RBKS: variants seen among roughly 807,000 people sequenced by gnomAD.
RBKS encodes the protein ribokinase.
RBKS carries 33 observed loss-of-function variants against 33.9 expected under a neutral mutation model. That is an observed-to-expected ratio of 0.97 (90% confidence interval 0.74 to 1.30). RBKS has a LOEUF of 1.30. Ranked by LOEUF, RBKS falls within the 50% of genes most tolerant of loss-of-function variation. The pLI, the probability that RBKS is intolerant of heterozygous loss-of-function variation, is 0.00. For synonymous variants in RBKS, 125 were observed against 143.0 expected, an observed-to-expected ratio of 0.87 and a Z score of 0.90; for missense variants, 361 against 392.6, an observed-to-expected ratio of 0.92 and a Z score of 0.68.
At chr2:27,869,543 G>A (rs1348832688) in intron 1 of RBKS, among the ~76,000 whole-genome samples, 1 of 152,172 alleles carries the variant, frequency 6.6e-6, no homozygotes, top group Non-Finnish European at 1.5e-5. Context: ...TTTGGCACCA[G>A]GGACTGGTTT....
chr2:27,870,607 A>T, intron 1 of RBKS: 1 of 363,560 alleles, frequency 2.8e-6, no homozygotes, highest in South Asian at 2.0e-5. Context: ...TTTTAATCAC[A>T]TCCTGCAAAA....
intron 2 of RBKS, among the ~76,000 whole-genome samples, chr2:27,852,759 G>A (rs941033809): frequency 2.0e-5 from 3 of 152,146 alleles, no homozygotes; most frequent in African/African-American, 7.2e-5. Context: ...ACAGGTTACC[G>A]ATTTCAAAGC....
intron 7 of RBKS, among the ~76,000 whole-genome samples, chr2:27,788,240 A>G (rs1677439555): frequency 6.6e-6 from 1 of 152,192 alleles, no homozygotes; most frequent in South Asian, 2.1e-4. Flanking sequence ...CCAGTGCAAA[A>G]GGACAGGGGA....
rs143635987 is a variant in RBKS, at chr2:27,843,077, G to A, written c.504C>T (p.Arg168=). ...AATATGTATAATTACCTCCACTCCT[G>A]CGGGCCATTGTTAGGGCTTCCAAAG... ...ATSLEALTMA[R]RSGVKTLFNP... is the part of the protein sequence containing the mutation. Residue 168 remains arginine (R), a synonymous_variant, in exon 5 of 8, where the codon CGC becomes CGT. Coordinates refer to ENST00000302188, the MANE Select transcript of RBKS (RefSeq NM_022128.3). The A allele has an allele frequency of 6.3e-7, 1 of 1,593,648 alleles. No homozygotes were observed. The highest frequency in any genetic ancestry group is 8.6e-7 in the Non-Finnish European group (1 of 1,169,530).
At chr2:27,789,270 G>C (rs910521998) in intron 7 of RBKS, among the ~76,000 whole-genome samples, 6 of 151,502 alleles carry the variant, frequency 4.0e-5, no homozygotes, top group South Asian at 2.1e-4. Flanking sequence ...TTTTTTTTTG[G>C]ATTTTTGGAA....
At chr2:27,842,270 G>A (rs547810270) in intron 5 of RBKS, among the ~76,000 whole-genome samples, 1 of 152,286 alleles carries the variant, frequency 6.6e-6, no homozygotes, top group African/African-American at 2.4e-5. Context: ...GTGAGTGGGA[G>A]AAAAGATGAA....
rs1402337463 is a variant in RBKS at position 27,810,528 on chromosome 2, T to C, written c.795+17039A>G. ...ATCTTTCTGTGCTATCTGCAGAGAA[T>C]CACTGATGACAGGAACTCTTTCTAG... On this transcript the variant is annotated intron_variant, in intron 7 of 7. Coordinates refer to ENST00000302188, the MANE Select transcript of RBKS (RefSeq NM_022128.3). The surrounding 1 kb of genome is among the most constrained non-coding windows in gnomAD (Gnocchi z 4.4). Among the ~76,000 whole-genome samples, 1 of 152,214 alleles carries C rather than the reference T, an allele frequency of 6.6e-6. No individual in the cohort carries two copies. The highest frequency in any genetic ancestry group is 1.5e-5 in the Non-Finnish European group (1 of 68,038).
intron 5 of RBKS, 132 bp from the exon 6 acceptor site, chr2:27,832,909 G>A (rs774103173): frequency 1.2e-5 from 8 of 642,588 alleles, no homozygotes; most frequent in South Asian, 1.7e-5. Context: ...ACTTAGTTAC[G>A]GATGTAGAGA....
chr2:27,853,555 G>C (rs561459966), intron 2 of RBKS, among the ~76,000 whole-genome samples: 3 of 152,026 alleles, frequency 2.0e-5, no homozygotes, highest in Non-Finnish European at 4.4e-5. Context: ...TACTTGGGAG[G>C]CTGAGGCAGG....
At chr2:27,793,503 T>C (rs1008320864) in intron 7 of RBKS, among the ~76,000 whole-genome samples, 2 of 152,200 alleles carry the variant, frequency 1.3e-5, no homozygotes, top group Non-Finnish European at 2.9e-5. Context: ...AGGTCACGGA[T>C]GTAGTATTCC....
intron 7 of RBKS, among the ~76,000 whole-genome samples, chr2:27,808,258 T>C (rs1677928503): frequency 6.6e-6 from 1 of 152,236 alleles, no homozygotes; most frequent in Non-Finnish European, 1.5e-5. Context: ...TGAATTTCAA[T>C]ACATTGATTA....
rs1259668591 is a variant in RBKS, at chr2:27,786,957, C to T, written c.796-5169G>A. Among the ~76,000 whole-genome samples the T allele has an allele frequency of 2.0e-5, 3 of 152,120 alleles. No homozygotes were observed. In the East Asian group the frequency reaches 5.8e-4, roughly 29 times the overall value. On this transcript the variant is annotated intron_variant, in intron 7 of 7. Transcript: ENST00000302188. The stretch of plus-strand genomic sequence containing the variant: ...GCAACGATTCTCACAACTTGATTAC[C>T]CTTCATTCTCAGGGCTACAACATGT...
At chr2:27,815,479 G>C (rs566694951) in intron 7 of RBKS, among the ~76,000 whole-genome samples, 134 of 152,250 alleles carry the variant, frequency 8.8e-4, no homozygotes, top group Middle Eastern at 3.4e-3. Context: ...TTACAGGCTT[G>C]CACCATTGCG....
In RBKS at chr2:27,810,908, C is replaced by G. The variant is rs530103752; in HGVS notation, c.795+16659G>C. On this transcript the variant is annotated intron_variant, in intron 7 of 7. Coordinates refer to ENST00000302188, the MANE Select transcript of RBKS (RefSeq NM_022128.3). This position sits in a 1 kb window ranked among gnomAD's most constrained non-coding sequence, Gnocchi z 4.4. The stretch of plus-strand genomic sequence containing the variant: ...TCTTTTTATAAAGTATAAATCTGAT[C>G]AAATGTATCCCTTGCTTAAATGGCT... Among the ~76,000 whole-genome samples the G allele has an allele frequency of 1.3e-5, 2 of 152,190 alleles. No individual in the cohort carries two copies. The highest frequency in any genetic ancestry group is 2.9e-5 in the Non-Finnish European group (2 of 68,038).
At chr2:27,790,365 G>A (rs766165209) in intron 7 of RBKS, among the ~76,000 whole-genome samples, 7 of 152,124 alleles carry the variant, frequency 4.6e-5, no homozygotes, top group Non-Finnish European at 1.0e-4. Flanking sequence ...TCTAGAAGAA[G>A]ACAGGAGAAA....
intron 7 of RBKS, among the ~76,000 whole-genome samples, chr2:27,818,855 C>T (rs1444195377): frequency 1.3e-5 from 2 of 152,162 alleles, no homozygotes; most frequent in Non-Finnish European, 2.9e-5. Context: ...CATCATTTGC[C>T]CAAAGCAGCA....
chr2:27,840,581 T>C (rs538274259), intron 5 of RBKS, among the ~76,000 whole-genome samples: 2 of 152,176 alleles, frequency 1.3e-5, no homozygotes, highest in East Asian at 3.9e-4. Flanking sequence ...GAAAACACTG[T>C]AGAGCCTCTT....
intron 2 of RBKS, among the ~76,000 whole-genome samples, chr2:27,850,998 A>G (rs1663735205): frequency 6.6e-6 from 1 of 152,012 alleles, no homozygotes; most frequent in Non-Finnish European, 1.5e-5. Context: ...GCCTACTGCA[A>G]TTTCTGTTAC....
Position 27,858,439 on chromosome 2 carries a change from C to T in RBKS, c.222G>A (p.Lys74=). The change falls in exon 2 of 8, where the codon AAG becomes AAA. Residue 74 remains lysine, a splice_region_variant and synonymous_variant. Transcript: ENST00000302188. ...CCTCTCCACTATACTTTGTACTTAC[C>T]TTACACACCATGGACGTCATTGCTC... ...RLGAMTSMVC[K]VGKDSFGNDY... 6.2e-7 allele frequency: 1 copy of T among 1,612,530 alleles called. No homozygotes were observed. Among genetic ancestry groups the T allele is most frequent in the Non-Finnish European group, 8.5e-7 (1 of 1,179,540 alleles).
Sources: allele counts gnomAD v4.1 joint callset (sites outside exome capture counted in the v4.1 genomes callset), GRCh38; gene constraint gnomAD v4.1.1; non-coding constraint Gnocchi (gnomAD v3.1); transcripts MANE v1.5; gene names NCBI Gene and HGNC (gene_info 2026-07-23, HGNC 2026-07-21).